The following MEP1A variants were observed in gnomAD, a reference collection of about 807,000 sequenced individuals.
MEP1A encodes the protein meprin A subunit alpha, also known as N-benzoyl-L-tyrosyl-P-amino-benzoic acid hydrolase subunit alpha.
MEP1A carries 68 observed loss-of-function variants against 84.5 expected under a neutral mutation model. The observed-to-expected ratio is 0.80, with a 90% CI of 0.66 to 0.98. The LOEUF is 0.98. Among genes scored for constraint, MEP1A ranks in the 50% least tolerant of loss-of-function variants. The pLI, the probability that MEP1A is intolerant of heterozygous loss-of-function variation, is 0.00. For synonymous variants in MEP1A, 337 were observed against 336.8 expected (o/e 1.00, Z -0.01); for missense variants, 887 against 919.9 (o/e 0.96, Z 0.46).
chr6:46,797,495 G>T (rs1196406680), intron 3 of MEP1A, among the ~76,000 whole-genome samples: 1 of 152,176 alleles, frequency 6.6e-6, no homozygotes, highest in Non-Finnish European at 1.5e-5. Context: ...TTGGAGATAC[G>T]GTTTAGAATG....
chr6:46,805,754 T>G (rs1767298092), intron 5 of MEP1A, among the ~76,000 whole-genome samples: 1 of 151,992 alleles, frequency 6.6e-6, no homozygotes, highest in South Asian at 2.1e-4. Flanking sequence ...CTGATTTTCT[T>G]TTTATCTATC....
intron 5 of MEP1A, among the ~76,000 whole-genome samples, chr6:46,807,521 A>AAAGAAAGAAAGAAAGG: frequency 4.8e-5 from 1 of 20,756 alleles, no homozygotes; most frequent in East Asian, 1.0e-3. Flanking sequence ...ATAAAGAAAG[A>AAAGAAAGAAAGAAAGG]AAGAAAGAAA....
At chr6:46,840,879 C>T (rs140794559), downstream of MEP1A, among the ~76,000 whole-genome samples, 329 of 152,326 alleles carry the variant, frequency 2.2e-3, no homozygotes, top group African/African-American at 6.9e-3. Flanking sequence ...CTTTGTTTCT[C>T]GCTGTGCTTC....
downstream of MEP1A, among the ~76,000 whole-genome samples, chr6:46,842,865 C>T (rs1002874565): frequency 1.3e-5 from 2 of 152,152 alleles, no homozygotes; most frequent in African/African-American, 4.8e-5. Flanking sequence ...CTCTTTATTT[C>T]TCAGACCAGC....
intron 7 of MEP1A, 41 bp from the exon 8 acceptor site, chr6:46,825,231 T>C: frequency 1.4e-6 from 2 of 1,385,456 alleles, no homozygotes. Flanking sequence ...ATGGGGAAAA[T>C]AACATGACTG....
intron 7 of MEP1A, among the ~76,000 whole-genome samples, chr6:46,822,275 A>G (rs1562112258): frequency 6.6e-6 from 1 of 152,122 alleles, no homozygotes; most frequent in Non-Finnish European, 1.5e-5. Context: ...CATATTTTCT[A>G]TCTACTCTAG....
downstream of MEP1A, among the ~76,000 whole-genome samples, chr6:46,842,885 G>A (rs961245771): frequency 1.3e-5 from 2 of 152,086 alleles, no homozygotes; most frequent in African/African-American, 2.4e-5. Flanking sequence ...CCAACACTTA[G>A]GGAAAATAGA....
downstream of MEP1A, among the ~76,000 whole-genome samples, chr6:46,842,256 AG>A (rs1270143607): frequency 6.6e-6 from 1 of 152,218 alleles, no homozygotes; most frequent in Non-Finnish European, 1.5e-5. Context: ...AGCGATTTTC[AG>A]GGAAAAAAGG....
At chr6:46,845,868 A>G in the MEP1A span, among the ~76,000 whole-genome samples, 2 of 152,346 alleles carry the variant, frequency 1.3e-5, no homozygotes, top group South Asian at 4.1e-4. Flanking sequence ...TGGTTCTGTT[A>G]CCTGTAACTG....
intron 12 of MEP1A, 85 bp from the exon 13 acceptor site, chr6:46,835,164 G>C (rs2297021): frequency 0.26 from 324,565 of 1,233,478 alleles, 47,769 homozygotes; most frequent in African/African-American, 0.61. Flanking sequence ...ATAGAAGCAG[G>C]CTGGGGAACT....
At chr6:46,807,565 A>AAAGAAAGAAAGAAAGAAAGG (rs1562106650) in intron 5 of MEP1A, among the ~76,000 whole-genome samples, 2 of 71,814 alleles carry the variant, frequency 2.8e-5, no homozygotes, top group Non-Finnish European at 2.6e-5. Flanking sequence ...AGAAAGAAAG[A>AAAGAAAGAAAGAAAGAAAGG]AAGGAAGGAA....
chr6:46,838,173 G>A (rs1022240473), intron 13 of MEP1A, among the ~76,000 whole-genome samples: 18 of 151,816 alleles, frequency 1.2e-4, no homozygotes, highest in Admixed American at 2.0e-4. Context: ...TATTACAGGC[G>A]TATGCCACCA....
At chr6:46,832,089 A>T (rs1022710231) in intron 10 of MEP1A, among the ~76,000 whole-genome samples, 3 of 152,332 alleles carry the variant, frequency 2.0e-5, no homozygotes, top group East Asian at 3.9e-4. Context: ...CAGGGAAAGT[A>T]TAGTTCTATA....
chr6:46,800,624 C>T (rs576114760), intron 5 of MEP1A, among the ~76,000 whole-genome samples: 1 of 152,208 alleles, frequency 6.6e-6, no homozygotes, highest in African/African-American at 2.4e-5. Context: ...ATGCCCAGAC[C>T]CAGACCACTG....
intron 7 of MEP1A, among the ~76,000 whole-genome samples, chr6:46,821,919 AG>A (rs1371407212): frequency 6.6e-6 from 1 of 152,224 alleles, no homozygotes; most frequent in African/African-American, 2.4e-5. Context: ...CAACATAGGC[AG>A]TATTTTTTAT....
chr6:46,819,838 G>A (rs941763389), intron 7 of MEP1A, 134 bp downstream of exon 7: 4 of 997,618 alleles, frequency 4.0e-6, no homozygotes, highest in East Asian at 2.4e-5. Context: ...GTTATGATTT[G>A]TTGGCCCTTT....
intron 13 of MEP1A, 112 bp downstream of exon 13, chr6:46,835,661 T>G (rs1581690859): frequency 1.7e-6 from 2 of 1,147,336 alleles, no homozygotes; most frequent in East Asian, 5.1e-5. Context: ...CCTCAGATGG[T>G]CAACTGAATG....
chr6:46,811,810 T>G (rs2150746097), intron 6 of MEP1A, among the ~76,000 whole-genome samples: 1 of 152,194 alleles, frequency 6.6e-6, no homozygotes, highest in Non-Finnish European at 1.5e-5. Flanking sequence ...CCTGCATCCC[T>G]GGTATGAAAC....
rs754692574 is a variant in MEP1A, at chr6:46,825,296, A to T, written c.581A>T (p.Tyr194Phe). ...GGTTACCAGCACAACTTTGACACCT[A>T]TGATGATAGCTTAATCACAGACCTC... ...LSGYQHNFDTYDDSLITDLNT... is the reference protein window; with the variant it reads ...LSGYQHNFDTFDDSLITDLNT... The change falls in exon 8 of 14, where the codon TAT becomes TTT. Residue 194 changes from tyrosine (Y) to phenylalanine (F), a missense_variant. By Grantham distance (22) the Tyr-to-Phe change is conservative. Transcript: ENST00000230588. 4 of 1,613,132 alleles carry T rather than the reference A, an allele frequency of 2.5e-6. No individual in the cohort carries two copies. Among genetic ancestry groups the T allele is most frequent in the East Asian group, 2.2e-5 (1 of 44,862 alleles).
Sources: allele counts gnomAD v4.1 joint callset (sites outside exome capture counted in the v4.1 genomes callset), GRCh38; gene constraint gnomAD v4.1.1; transcripts MANE v1.5; gene names NCBI Gene and HGNC (gene_info 2026-07-23, HGNC 2026-07-21).